FLNB: variants seen among roughly 807,000 people sequenced by gnomAD.
FLNB encodes filamin-B.
In FLNB, 111 loss-of-function variants were observed where a neutral mutation model predicts 250.6. The observed-to-expected ratio is 0.44, with a 90% CI of 0.38 to 0.52. The LOEUF (loss-of-function observed/expected upper bound fraction) is 0.52. Among genes scored for constraint, FLNB ranks in the 20% least tolerant of loss-of-function variants. The pLI, the probability that FLNB is intolerant of heterozygous loss-of-function variation, is 0.00. For synonymous variants in FLNB, 1,302 were observed against 1,372.1 expected (o/e 0.95, Z 1.13); for missense variants, 2,869 against 3,447.8 (o/e 0.83, Z 4.20).
chr3:58,095,700 A>G (rs2107046512), intron 5 of FLNB, among the ~76,000 whole-genome samples: 1 of 152,250 alleles, frequency 6.6e-6, no homozygotes, highest in Non-Finnish European at 1.5e-5. Flanking sequence ...ACCATATTTT[A>G]TTCTTGGCAT....
At chr3:58,035,605 C>G (rs886812637) in intron 1 of FLNB, among the ~76,000 whole-genome samples, 3 of 152,140 alleles carry the variant, frequency 2.0e-5, no homozygotes, top group Admixed American at 6.6e-5. Flanking sequence ...GAAAATGTAG[C>G]TCAACCACAG....
chr3:58,114,506 AAT>A (rs2097274493), intron 18 of FLNB, among the ~76,000 whole-genome samples: 1 of 152,138 alleles, frequency 6.6e-6, no homozygotes, highest in African/African-American at 2.4e-5. Flanking sequence ...TGGGTGTACA[AAT>A]ATCTCTTTGA....
Position 58,153,658 on chromosome 3 carries a change from G to A in FLNB, c.6634+17G>A. On this transcript the variant is annotated intron_variant, in intron 39 of 45. Coordinates refer to ENST00000295956, the MANE Select transcript of FLNB (RefSeq NM_001457.4). ...GAGTCCCAGGTGAGCATTGCGGGCA[G>A]GATTTTCACTTGGGAAGAATAGAGT... 1 of 1,613,808 alleles carries A rather than the reference G, an allele frequency of 6.2e-7. No homozygotes were observed.
chr3:58,169,230 A>C lies in FLNB; in HGVS notation c.7418-360A>C. On this transcript the variant is annotated intron_variant, in intron 44 of 45. Coordinates refer to ENST00000295956, the MANE Select transcript of FLNB (RefSeq NM_001457.4). The surrounding 1 kb of genome is among the most constrained non-coding windows in gnomAD (Gnocchi z 4.8). Reference sequence around the variant, plus strand: ...CAGAATCATTTTTTGATATTTCATTATATGTCATCCCAAACTTTTACACTG... The same window carrying C: ...CAGAATCATTTTTTGATATTTCATTCTATGTCATCCCAAACTTTTACACTG... The C allele has an allele frequency of 3.4e-6, 1 of 296,516 alleles. No individual in the cohort carries two copies. The highest frequency in any genetic ancestry group is 6.4e-6 in the Non-Finnish European group (1 of 156,374). 18.4% of individuals were successfully genotyped at this position (296,516 alleles called of 1,614,324 possible). A position where few individuals can be genotyped will look rare whatever the true frequency, so the allele number is the denominator to read the frequency against.
intron 36 of FLNB, chr3:58,149,513 C>T: frequency 1.6e-5 from 6 of 385,948 alleles, no homozygotes; most frequent in Non-Finnish European, 2.9e-5. Context: ...GTGGATAAAC[C>T]CCCAAGGTGG....
intron 25 of FLNB, 66 bp downstream of exon 25, chr3:58,130,974 A>G: frequency 5.4e-6 from 8 of 1,484,452 alleles, no homozygotes; most frequent in Non-Finnish European, 7.4e-6. Context: ...TGTAACCCAG[A>G]GCAGATGCTT....
chr3:58,045,104 C>G (rs2097151723), intron 1 of FLNB, among the ~76,000 whole-genome samples: 1 of 152,298 alleles, frequency 6.6e-6, no homozygotes, highest in South Asian at 2.1e-4. Flanking sequence ...CCATCCTGAC[C>G]TCTATTAGGT....
intron 23 of FLNB, 115 bp from the exon 24 acceptor site, chr3:58,126,487 G>C (rs760787342): frequency 5.5e-6 from 5 of 904,810 alleles, no homozygotes; most frequent in Non-Finnish European, 9.1e-6. Context: ...TGTAGTAATT[G>C]AGTTGGGGTG....
intron 22 of FLNB, among the ~76,000 whole-genome samples, chr3:58,125,249 C>G (rs780561243): frequency 1.3e-5 from 2 of 152,128 alleles, no homozygotes; most frequent in Admixed American, 6.5e-5. Context: ...CCTCCTGCCT[C>G]AGCCCCCTGA....
chr3:58,168,391 G>A, intron 43 of FLNB, 49 bp from the exon 44 acceptor site: 1 of 1,453,532 alleles, frequency 6.9e-7, no homozygotes, highest in Non-Finnish European at 9.6e-7. Flanking sequence ...GTGCTCCCAG[G>A]AAAGCCCTCC....
chr3:58,033,167 C>T (rs1392799090), intron 1 of FLNB, among the ~76,000 whole-genome samples: 18 of 152,238 alleles, frequency 1.2e-4, no homozygotes, highest in Admixed American at 1.0e-3. Context: ...ACACACACTC[C>T]TGTGTACACA....
intron 35 of FLNB, 93 bp downstream of exon 35, chr3:58,148,457 T>C (rs1405585543): frequency 8.3e-6 from 12 of 1,442,922 alleles, no homozygotes; most frequent in South Asian, 1.2e-5. Context: ...GGTAGCACAA[T>C]GGAGTGTGAT....
chr3:58,076,514 G>C (rs2097201857), intron 1 of FLNB, among the ~76,000 whole-genome samples: 1 of 152,114 alleles, frequency 6.6e-6, no homozygotes, highest in Non-Finnish European at 1.5e-5. Context: ...GAGTGCAGTG[G>C]CGTGACGTCA....
chr3:58,161,174 G>A (rs1407901681), intron 42 of FLNB, among the ~76,000 whole-genome samples: 2 of 152,170 alleles, frequency 1.3e-5, no homozygotes, highest in East Asian at 3.9e-4. Context: ...AGTGGCACTG[G>A]AAATGGAGAG....
At chr3:58,132,775 G>A in intron 25 of FLNB, 33 bp from the exon 26 acceptor site, 7 of 1,613,950 alleles carry the variant, frequency 4.3e-6, no homozygotes, top group Non-Finnish European at 5.9e-6. Context: ...GTGAGGCCAG[G>A]CAGCTCCTTA....
intron 5 of FLNB, 36 bp downstream of exon 5, chr3:58,094,990 C>T: frequency 6.7e-7 from 1 of 1,501,902 alleles, no homozygotes; most frequent in Non-Finnish European, 9.3e-7. Flanking sequence ...TTTCCAGCAC[C>T]TCATGGAGCT....
In FLNB at chr3:58,024,546, G is replaced by A. The variant is rs1185273902; in HGVS notation, c.292+15690G>A. 3.9e-5 allele frequency among the ~76,000 whole-genome samples: 6 copies of A among 152,088 alleles called. No individual in the cohort carries two copies. The East Asian group carries it at 9.7e-4, about 25-fold the overall frequency. Reference sequence around the variant, plus strand: ...ATCTAATTATCTAGGAAGGTGAAAGGTGGTTGGGAATACTCCCAGAAATAG... The same window carrying A: ...ATCTAATTATCTAGGAAGGTGAAAGATGGTTGGGAATACTCCCAGAAATAG... On this transcript the variant is annotated intron_variant, in intron 1 of 45. Transcript: ENST00000295956.
intron 1 of FLNB, among the ~76,000 whole-genome samples, chr3:58,061,804 T>G (rs1290240154): frequency 6.6e-6 from 1 of 150,660 alleles, no homozygotes; most frequent in Non-Finnish European, 1.5e-5. Context: ...ATTAAATTTT[T>G]GGGGGGGCTG....
intron 43 of FLNB, among the ~76,000 whole-genome samples, chr3:58,167,652 A>C (rs1268145227): frequency 6.6e-6 from 1 of 152,232 alleles, no homozygotes; most frequent in Non-Finnish European, 1.5e-5. Flanking sequence ...TCCACTGCCC[A>C]TCCAGGGGTC....
Sources: gnomAD v4.1 joint callset for allele counts (sites outside exome capture counted in the v4.1 genomes callset) on GRCh38, gnomAD v4.1.1 for gene constraint, Gnocchi (gnomAD v3.1) non-coding constraint, MANE v1.5 for transcripts, NCBI Gene and HGNC (gene_info 2026-07-23, HGNC 2026-07-21) for gene names.